Variants in DNAJC1 observed in about 807,000 individuals in gnomAD.
DNAJC1 encodes dnaJ homolog subfamily C member 1.
A neutral mutation model predicts 76.6 loss-of-function variants in DNAJC1; 58 were observed. The observed-to-expected ratio is 0.76, with a 90% CI of 0.61 to 0.94. The LOEUF (loss-of-function observed/expected upper bound fraction) is 0.94, where lower values mean the gene tolerates loss of function less well. Among genes scored for constraint, DNAJC1 ranks in the 40% least tolerant of loss-of-function variants. The probability of loss-of-function intolerance (pLI) is 0.00; values close to 1 mark genes in which losing one functional copy is unlikely to be tolerated. For synonymous variants in DNAJC1, 258 were observed against 267.9 expected (o/e 0.96, Z 0.36); for missense variants, 689 against 677.3 (o/e 1.02, Z -0.19).
intron 1 of DNAJC1, among the ~76,000 whole-genome samples, chr10:21,972,662 T>C (rs1838000044): frequency 6.6e-6 from 1 of 152,064 alleles, no homozygotes; most frequent in Admixed American, 6.5e-5. Flanking sequence ...TAATTCCTAT[T>C]TGTCCAGTAT....
At chr10:21,960,445 CG>C (rs1837770909) in intron 1 of DNAJC1, among the ~76,000 whole-genome samples, 1 of 152,052 alleles carries the variant, frequency 6.6e-6, no homozygotes, top group Non-Finnish European at 1.5e-5. Flanking sequence ...CAACTAAGGC[CG>C]GGTGCCTATT....
chr10:21,860,578 CA>C (rs1379128989), intron 8 of DNAJC1, among the ~76,000 whole-genome samples: 4 of 152,142 alleles, frequency 2.6e-5, no homozygotes, highest in African/African-American at 4.8e-5. Flanking sequence ...CCTGTAACCT[CA>C]GCTACTTGGG....
At chr10:21,832,671 C>T (rs1169450581) in intron 8 of DNAJC1, among the ~76,000 whole-genome samples, 1 of 152,184 alleles carries the variant, frequency 6.6e-6, no homozygotes, top group Non-Finnish European at 1.5e-5. Context: ...CTGTTAGCTA[C>T]TTCACTCAGG....
chr10:21,853,935 T>C (rs530048599), intron 8 of DNAJC1, among the ~76,000 whole-genome samples: 8 of 151,580 alleles, frequency 5.3e-5, no homozygotes, highest in Non-Finnish European at 1.2e-4. Flanking sequence ...GGGAAGATAC[T>C]CCCAGAAGTT....
intron 8 of DNAJC1, among the ~76,000 whole-genome samples, chr10:21,856,266 G>T (rs1835831169): frequency 6.6e-6 from 1 of 151,996 alleles, no homozygotes; most frequent in Non-Finnish European, 1.5e-5. Flanking sequence ...TTAAATATAT[G>T]CATCATTAAA....
chr10:21,799,515 C>T (rs949067140), intron 9 of DNAJC1, among the ~76,000 whole-genome samples: 1 of 152,128 alleles, frequency 6.6e-6, no homozygotes, highest in African/African-American at 2.4e-5. Context: ...GTCGCCCAGG[C>T]TGGTCGCAAA....
chr10:21,781,535 C>T (rs925588589), intron 9 of DNAJC1, among the ~76,000 whole-genome samples: 1 of 152,028 alleles, frequency 6.6e-6, no homozygotes, highest in African/African-American at 2.4e-5. Context: ...TCCTGGCTAA[C>T]ACGGTGAAAC....
chr10:21,947,447 A>C (rs1336598907), intron 1 of DNAJC1, among the ~76,000 whole-genome samples: 1 of 152,218 alleles, frequency 6.6e-6, no homozygotes, highest in East Asian at 1.9e-4. Context: ...CTCAATAAGA[A>C]GATGCAAAGA....
At position 21,910,276 on chromosome 10, in the gene DNAJC1, C is replaced by T. The variant is rs187930920; in HGVS notation, c.730-5664G>A. 2.0e-4 allele frequency among the ~76,000 whole-genome samples: 31 copies of T among 152,040 alleles called. No individual in the cohort carries two copies. In the South Asian group the frequency reaches 3.1e-3, roughly 15 times the overall value. On this transcript the variant is annotated intron_variant, in intron 6 of 11. Transcript: ENST00000376980. Reference sequence around the variant, plus strand: ...GACTACAGGTGCCTGCCACCACACTCGGCTAATATTTATATTTTTAGTAAG... The same window carrying T: ...GACTACAGGTGCCTGCCACCACACTTGGCTAATATTTATATTTTTAGTAAG...
At chr10:21,912,271 G>A (rs1277969406) in intron 6 of DNAJC1, among the ~76,000 whole-genome samples, 1 of 151,840 alleles carries the variant, frequency 6.6e-6, no homozygotes, top group Non-Finnish European at 1.5e-5. Flanking sequence ...TGGGGAAATT[G>A]TTTCACCAAT....
chr10:21,915,346 G>A (rs1024544191), intron 6 of DNAJC1, among the ~76,000 whole-genome samples: 2 of 152,128 alleles, frequency 1.3e-5, no homozygotes, highest in Non-Finnish European at 2.9e-5. Context: ...GCGTAGCAAA[G>A]GAATGGGTAT....
intron 1 of DNAJC1, among the ~76,000 whole-genome samples, chr10:21,944,251 A>G (rs1244307047): frequency 1.3e-5 from 2 of 152,072 alleles, no homozygotes; most frequent in African/African-American, 4.8e-5. Context: ...TTCTCAAAAT[A>G]AAAGTGCAAA....
chr10:21,993,531 C>T (rs1590084267), intron 1 of DNAJC1, among the ~76,000 whole-genome samples: 1 of 152,148 alleles, frequency 6.6e-6, no homozygotes, highest in Non-Finnish European at 1.5e-5. Context: ...CTTACTTATG[C>T]CTACAGTTGT....
chr10:21,758,778 G>C (rs975699240), intron 11 of DNAJC1, among the ~76,000 whole-genome samples: 1 of 152,222 alleles, frequency 6.6e-6, no homozygotes, highest in Non-Finnish European at 1.5e-5. Flanking sequence ...CCCTCAGCCT[G>C]GTTCAAAGGA....
At chr10:21,973,091 T>G (rs1180565859) in intron 1 of DNAJC1, among the ~76,000 whole-genome samples, 1 of 152,102 alleles carries the variant, frequency 6.6e-6, no homozygotes, top group African/African-American at 2.4e-5. Context: ...AATAAATACA[T>G]ATTTATATTT....
At chr10:21,984,908 T>G (rs1033604466) in intron 1 of DNAJC1, among the ~76,000 whole-genome samples, 3 of 152,250 alleles carry the variant, frequency 2.0e-5, no homozygotes, top group Non-Finnish European at 4.4e-5. Context: ...TGTGTGCATG[T>G]GTATGTATGA....
At chr10:21,801,077 A>G (rs937545717) in intron 9 of DNAJC1, among the ~76,000 whole-genome samples, 1 of 152,214 alleles carries the variant, frequency 6.6e-6, no homozygotes, top group Admixed American at 6.5e-5. Flanking sequence ...TAAAATAGGG[A>G]AAAATAATGG....
At chr10:21,924,176 G>A (rs759970361) in intron 3 of DNAJC1, among the ~76,000 whole-genome samples, 13 of 151,864 alleles carry the variant, frequency 8.6e-5, no homozygotes, top group Middle Eastern at 3.4e-3. Context: ...GTGGTACACT[G>A]CACTTTATTT....
intron 8 of DNAJC1, among the ~76,000 whole-genome samples, chr10:21,871,143 T>C (rs1055511732): frequency 3.3e-5 from 5 of 152,060 alleles, no homozygotes; most frequent in African/African-American, 4.8e-5. Context: ...GTATGATGCA[T>C]GAAGTTATTA....
Sources: allele counts gnomAD v4.1 joint callset (sites outside exome capture counted in the v4.1 genomes callset), GRCh38; gene constraint gnomAD v4.1.1; transcripts MANE v1.5; gene names NCBI Gene and HGNC (gene_info 2026-07-23, HGNC 2026-07-21).